Variants in PATJ observed in about 807,000 individuals in gnomAD.
PATJ encodes PATJ crumbs cell polarity complex component.
Under a neutral mutation model 224.9 loss-of-function variants are expected in PATJ, and 190 were observed. That is an observed-to-expected ratio of 0.84 (90% CI 0.75 to 0.95). The LOEUF (loss-of-function observed/expected upper bound fraction) is 0.95. PATJ is among the 40% of genes least tolerant of loss of function. The probability of loss-of-function intolerance (pLI) is 0.00; values close to 1 mark genes in which losing one functional copy is unlikely to be tolerated. For synonymous variants in PATJ, 769 were observed against 820.3 expected, an observed-to-expected ratio of 0.94 and a Z score of 1.07; for missense variants, 2,121 against 2,270.3, an observed-to-expected ratio of 0.93 and a Z score of 1.34.
chr1:62,087,542 C>A (rs1163325311), intron 33 of PATJ, among the ~76,000 whole-genome samples: 2 of 151,956 alleles, frequency 1.3e-5, no homozygotes, highest in African/African-American at 4.8e-5. Context: ...TGGGGTTTTG[C>A]TGGGGATCTG....
intron 27 of PATJ, among the ~76,000 whole-genome samples, chr1:61,981,995 ATG>A: frequency 6.6e-6 from 1 of 151,966 alleles, no homozygotes; most frequent in South Asian, 2.1e-4. Context: ...GCATCTCTGT[ATG>A]CTATTCCCTT....
intron 28 of PATJ, among the ~76,000 whole-genome samples, chr1:61,990,921 C>T (rs560260346): frequency 4.6e-5 from 7 of 152,098 alleles, no homozygotes; most frequent in Non-Finnish European, 7.4e-5. Context: ...TTAATTACTC[C>T]AGATAATTTC....
chr1:61,971,441 G>C, intron 27 of PATJ, among the ~76,000 whole-genome samples: 1 of 151,528 alleles, frequency 6.6e-6, no homozygotes, highest in Non-Finnish European at 1.5e-5. Flanking sequence ...CTTAAACTCA[G>C]GGTCTCTACA....
At chr1:62,023,641 G>A (rs957598091) in intron 29 of PATJ, among the ~76,000 whole-genome samples, 4 of 152,168 alleles carry the variant, frequency 2.6e-5, no homozygotes, top group Admixed American at 2.0e-4. Flanking sequence ...GCTAAGACTC[G>A]AAGGATAAGT....
At chr1:61,927,861 C>G (rs571405620) in intron 27 of PATJ, 32 bp downstream of exon 27, 2 of 1,383,432 alleles carry the variant, frequency 1.4e-6, no homozygotes, top group East Asian at 2.3e-5. Context: ...AGGGTAGATG[C>G]AGAACTTATT....
Position 62,114,245 on chromosome 1 carries a change from C to CT in PATJ, c.4654_4655insT (p.Arg1552LeufsTer10). 1 of 1,613,610 alleles carries CT rather than the reference C, an allele frequency of 6.2e-7. No homozygotes were observed. Among genetic ancestry groups the CT allele is most frequent in the Non-Finnish European group, 8.5e-7 (1 of 1,179,758 alleles). On this transcript the variant is annotated frameshift_variant and splice_region_variant, in exon 35 of 44. Transcript: ENST00000642238. LOFTEE classifies it high-confidence loss of function. ...CCTGGGCCTGAGCATCGTTGGGAAA[C>CT]GGTAAAGACGTGCTGTGGGAGTTGG...
intron 27 of PATJ, among the ~76,000 whole-genome samples, chr1:61,972,657 G>A (rs1257601158): frequency 6.6e-6 from 1 of 152,082 alleles, no homozygotes; most frequent in Non-Finnish European, 1.5e-5. Context: ...TTTTGGCTGT[G>A]AGGGAGCAAA....
chr1:62,029,079 T>G (rs956360300), intron 29 of PATJ, among the ~76,000 whole-genome samples: 6 of 152,232 alleles, frequency 3.9e-5, no homozygotes, highest in African/African-American at 1.4e-4. Flanking sequence ...CCACACTGTT[T>G]TGATTACCGT....
At chr1:61,760,801 CG>C (rs1216898599) in intron 1 of PATJ, among the ~76,000 whole-genome samples, 1 of 151,546 alleles carries the variant, frequency 6.6e-6, no homozygotes, top group Admixed American at 6.6e-5. Context: ...TTATTAGAGA[CG>C]GGGTTTCTCT....
At position 62,161,043 on chromosome 1, in the gene PATJ, G is replaced by T; in HGVS notation, c.5638G>T (p.Val1880Leu). The change falls in exon 44 of 44, where the codon GTG becomes TTG. Residue 1880 changes from valine to leucine, a missense_variant. By Grantham distance (32) the Val-to-Leu change is conservative. Coordinates refer to ENST00000642238, the MANE Select transcript of PATJ (RefSeq NM_001350145.3). ...CCAGAGAGGGACTGTAACCTTAACTGTGCTGTCATGAGCCTCGGGCCTGAT... is the reference window on the plus strand; with the variant it reads ...CCAGAGAGGGACTGTAACCTTAACTTTGCTGTCATGAGCCTCGGGCCTGAT... ...KHQRGTVTLTVLS is the reference protein window; with the variant it reads ...KHQRGTVTLTLLS 6.4e-7 allele frequency: 1 copy of T among 1,562,686 alleles called. No homozygotes were observed. The highest frequency in any genetic ancestry group is 8.7e-7 in the Non-Finnish European group (1 of 1,155,256).
At chr1:62,062,504 T>C in intron 31 of PATJ, among the ~76,000 whole-genome samples, 1 of 128,322 alleles carries the variant, frequency 7.8e-6, no homozygotes, top group East Asian at 2.1e-4. Context: ...TTTTTTTTTT[T>C]TTTTTTTTTT....
In PATJ at chr1:61,921,496, G is replaced by C. The variant is rs542026964; in HGVS notation, c.3571-6234G>C. 5.3e-5 allele frequency among the ~76,000 whole-genome samples: 8 copies of C among 152,186 alleles called. No homozygotes were observed. In the South Asian group the frequency reaches 1.7e-3, roughly 32 times the overall value. ...GAAGATGGTGATTATTGCTTGCAGA[G>C]GTGTTTCTTTTTCCCTACAGATTGC... On this transcript the variant is annotated intron_variant, in intron 26 of 43. Transcript: ENST00000642238.
At chr1:61,819,944 C>T (rs1285716581) in intron 14 of PATJ, among the ~76,000 whole-genome samples, 4 of 152,144 alleles carry the variant, frequency 2.6e-5, no homozygotes, top group Admixed American at 2.6e-4. Context: ...ACTTCATGAA[C>T]ATAGATATTA....
intron 31 of PATJ, among the ~76,000 whole-genome samples, chr1:62,067,014 T>A (rs1656568670): frequency 6.6e-6 from 1 of 151,802 alleles, no homozygotes; most frequent in African/African-American, 2.4e-5. Flanking sequence ...ATTGGGGAAA[T>A]CAAAAATCTT....
intron 33 of PATJ, among the ~76,000 whole-genome samples, chr1:62,088,927 T>C (rs1385458330): frequency 6.6e-6 from 1 of 150,820 alleles, no homozygotes; most frequent in Admixed American, 6.6e-5. Context: ...GGGTGATGGC[T>C]GCTTCCAAGG....
chr1:61,930,776 C>T (rs1385810387), intron 27 of PATJ, among the ~76,000 whole-genome samples: 1 of 152,100 alleles, frequency 6.6e-6, no homozygotes, highest in African/African-American at 2.4e-5. Context: ...GGCATGATCT[C>T]AGCTCACTGC....
chr1:61,846,305 T>C (rs1358093316), intron 17 of PATJ: 1 of 152,160 alleles, frequency 6.6e-6, no homozygotes, highest in East Asian at 1.9e-4. Context: ...ATCACTATCA[T>C]TCGGCTAGTA....
chr1:61,824,306 C>G (rs1657826794), intron 15 of PATJ, among the ~76,000 whole-genome samples: 1 of 150,756 alleles, frequency 6.6e-6, no homozygotes, highest in Non-Finnish European at 1.5e-5. Flanking sequence ...CTCAAACAAT[C>G]CACCCACCTC....
At chr1:61,884,999 G>T (rs1668617177) in intron 22 of PATJ, among the ~76,000 whole-genome samples, 1 of 152,168 alleles carries the variant, frequency 6.6e-6, no homozygotes, top group Admixed American at 6.6e-5. Context: ...GTCTGGACAT[G>T]GGTAATTGGG....
Sources: allele counts gnomAD v4.1 joint callset (sites outside exome capture counted in the v4.1 genomes callset), GRCh38; gene constraint gnomAD v4.1.1; transcripts MANE v1.5; gene names NCBI Gene and HGNC (gene_info 2026-07-23, HGNC 2026-07-21).